Variants in SRGAP2 observed in about 807,000 individuals in gnomAD.
SRGAP2 encodes the protein SLIT-ROBO Rho GTPase-activating protein 2.
In SRGAP2, 15 loss-of-function variants were observed where a neutral mutation model predicts 57.2. The ratio of observed to expected loss-of-function variants is 0.26; its 90% CI spans 0.18 to 0.40. The LOEUF (loss-of-function observed/expected upper bound fraction) is 0.40. SRGAP2 is among the 10% of genes least tolerant of loss of function. The probability of loss-of-function intolerance (pLI) is 1.00; values close to 1 mark genes in which losing one functional copy is unlikely to be tolerated. For missense variants in SRGAP2, 520 were observed against 669.6 expected, an observed-to-expected ratio of 0.78 and a Z score of 2.47; for synonymous variants, 249 against 248.0, an observed-to-expected ratio of 1.00 and a Z score of -0.04.
chr1:206,420,054 G>A (rs1488335807), intron 12 of SRGAP2, among the ~76,000 whole-genome samples: 2 of 152,070 alleles, frequency 1.3e-5, no homozygotes, highest in Non-Finnish European at 2.9e-5. Context: ...CGGAGAGCAA[G>A]GTATTCATTC....
chr1:206,254,222 T>C (rs79000747), intron 2 of SRGAP2, among the ~76,000 whole-genome samples: 11,490 of 59,194 alleles, frequency 0.19, 1,843 homozygotes, highest in African/African-American at 0.48. Flanking sequence ...ATAAAATATA[T>C]GGGAAAGAAA....
chr1:206,458,031 G>A (rs1553378986), intron 21 of SRGAP2, among the ~76,000 whole-genome samples: 2 of 152,312 alleles, frequency 1.3e-5, no homozygotes, highest in East Asian at 3.9e-4. Context: ...TGGGAGTCAT[G>A]TAGAGGTATT....
intron 22 of SRGAP2, among the ~76,000 whole-genome samples, chr1:206,460,792 G>C (rs1271480130): frequency 2.7e-5 from 4 of 147,064 alleles, no homozygotes; most frequent in African/African-American, 1.0e-4. Context: ...CTAAAACCTA[G>C]GGTCTCTAAA....
At chr1:206,455,162 C>T in intron 21 of SRGAP2, 138 bp downstream of exon 21, 1 of 739,888 alleles carries the variant, frequency 1.4e-6, no homozygotes, top group Non-Finnish European at 2.5e-6. Context: ...TGCATGTGGT[C>T]ATTGCTGCTG....
At chr1:206,318,689 A>T (rs1188712857) in intron 3 of SRGAP2, among the ~76,000 whole-genome samples, 2 of 152,162 alleles carry the variant, frequency 1.3e-5, no homozygotes, top group Non-Finnish European at 2.9e-5. Context: ...TCATGGCAGA[A>T]GGCACCGGGG....
Position 206,249,061 on chromosome 1 carries a change from G to T in SRGAP2, c.67+43024G>T, listed in dbSNP as rs1668674426. On this transcript the variant is annotated intron_variant, in intron 2 of 22. Transcript: ENST00000573034. ...TCACTGTGTTTCCTACTACTCTCCT[G>T]CTCTTTCTCCTCTTAATAAACACTG... is the stretch of plus-strand genomic sequence containing the variant. Among the ~76,000 whole-genome samples the T allele has an allele frequency of 2.6e-5, 4 of 152,358 alleles. No homozygotes were observed. In the South Asian group the frequency reaches 8.3e-4, roughly 32 times the overall value.
At chr1:206,358,289 CAA>C (rs1287631012) in intron 4 of SRGAP2, among the ~76,000 whole-genome samples, 1 of 148,042 alleles carries the variant, frequency 6.8e-6, no homozygotes, top group Non-Finnish European at 1.5e-5. Context: ...AAGTGCTCTG[CAA>C]AGTTATGTTA....
intron 5 of SRGAP2, among the ~76,000 whole-genome samples, chr1:206,389,413 G>A (rs1248125676): frequency 2.6e-5 from 4 of 152,020 alleles, no homozygotes; most frequent in Non-Finnish European, 2.9e-5. Flanking sequence ...TCCTGACCTC[G>A]TGATCCGCCC....
At chr1:206,393,442 G>A (rs1246642891) in intron 6 of SRGAP2, 103 bp from the exon 7 acceptor site, 2 of 603,148 alleles carry the variant, frequency 3.3e-6, no homozygotes, top group African/African-American at 2.0e-5. Flanking sequence ...ATAGGGAGTA[G>A]CAACACAATT....
chr1:206,437,897 A>C, intron 15 of SRGAP2, 67 bp from the exon 16 acceptor site: 2 of 769,002 alleles, frequency 2.6e-6, no homozygotes, highest in Admixed American at 3.4e-5. Context: ...CCCCTTCCCC[A>C]CGTTCGTCCT....
At chr1:206,392,992 A>C in intron 6 of SRGAP2, 88 bp downstream of exon 6, 2 of 716,428 alleles carry the variant, frequency 2.8e-6, no homozygotes, top group Non-Finnish European at 5.2e-6. Context: ...CACTGGGAAG[A>C]GCAGACGAGG....
chr1:206,370,718 A>G lies in SRGAP2; in HGVS notation c.424-13296A>G, dbSNP rs1472616789. On this transcript the variant is annotated intron_variant, in intron 4 of 22. Transcript: ENST00000573034. ...TATACTAATAGCCACTGAATTGTGT[A>G]CCCTGTAGTGGTGAATTGTACAGTG... is the stretch of plus-strand genomic sequence containing the variant. 2.6e-5 allele frequency among the ~76,000 whole-genome samples: 4 copies of G among 152,218 alleles called. No individual in the cohort carries two copies. The East Asian group carries it at 7.7e-4, about 29-fold the overall frequency.
chr1:206,449,526 AT>A (rs1553375115), intron 18 of SRGAP2, among the ~76,000 whole-genome samples: 1 of 150,998 alleles, frequency 6.6e-6, no homozygotes, highest in African/African-American at 2.4e-5. Flanking sequence ...CTAGACTCAA[AT>A]GATCCTCCCA....
chr1:206,279,703 A>C (rs1467408803), intron 2 of SRGAP2, among the ~76,000 whole-genome samples: 1 of 150,134 alleles, frequency 6.7e-6, no homozygotes, highest in Non-Finnish European at 1.5e-5. Flanking sequence ...TACAGGCATA[A>C]GCCACCGTGC....
chr1:206,384,656 G>C (rs1300400815), intron 5 of SRGAP2, among the ~76,000 whole-genome samples: 5 of 151,946 alleles, frequency 3.3e-5, no homozygotes, highest in Non-Finnish European at 7.4e-5. Flanking sequence ...TTGGAGAAGA[G>C]AACACAATCT....
At chr1:206,453,082 G>T (rs996314204) in intron 19 of SRGAP2, 118 bp from the exon 20 acceptor site, 1 of 446,438 alleles carries the variant, frequency 2.2e-6, no homozygotes, top group Non-Finnish European at 4.1e-6. Flanking sequence ...CCATGGCTTC[G>T]TTTTCCCACT....
intron 2 of SRGAP2, among the ~76,000 whole-genome samples, chr1:206,295,647 T>C (rs1254622586): frequency 1.3e-5 from 2 of 151,000 alleles, no homozygotes; most frequent in African/African-American, 4.9e-5. Context: ...TTTCATGTCC[T>C]TATAGTATAC....
At chr1:206,362,189 GGCTA>G (rs1676966297) in intron 4 of SRGAP2, among the ~76,000 whole-genome samples, 1 of 149,362 alleles carries the variant, frequency 6.7e-6, no homozygotes, top group Non-Finnish European at 1.5e-5. Flanking sequence ...CATAGCTCGG[GGCTA>G]TGCAGTGTCT....
chr1:206,250,070 GCT>G (rs1668747093), intron 2 of SRGAP2, among the ~76,000 whole-genome samples: 1 of 148,332 alleles, frequency 6.7e-6, no homozygotes, highest in Non-Finnish European at 1.5e-5. Flanking sequence ...GGTCAGAATG[GCT>G]CTGTCTGTGT....
Sources: gnomAD v4.1 joint callset for allele counts (sites outside exome capture counted in the v4.1 genomes callset) on GRCh38, gnomAD v4.1.1 for gene constraint, MANE v1.5 for transcripts, NCBI Gene and HGNC (gene_info 2026-07-23, HGNC 2026-07-21) for gene names.